Variants in CHRNA7 observed in about 807,000 individuals in gnomAD.
The protein encoded by CHRNA7 is neuronal acetylcholine receptor subunit alpha-7.
In CHRNA7, 17 loss-of-function variants were observed where a neutral mutation model predicts 48.0. The observed-to-expected ratio is 0.35, with a 90% CI of 0.24 to 0.53. The LOEUF is 0.53. Among genes scored for constraint, CHRNA7 ranks in the 20% least tolerant of loss-of-function variants. The pLI is 0.92. For synonymous variants in CHRNA7, 75 were observed against 242.3 expected (o/e 0.31, Z 6.41); for missense variants, 155 against 577.7 (o/e 0.27, Z 7.50).
chr15:32,031,424 A>C (rs2141155326), intron 2 of CHRNA7, among the ~76,000 whole-genome samples: 1 of 152,328 alleles, frequency 6.6e-6, no homozygotes, highest in East Asian at 1.9e-4. Context: ...TTGTCAATTT[A>C]GCCACTTCTA....
At chr15:32,083,438 C>T (rs2050246838) in intron 2 of CHRNA7, among the ~76,000 whole-genome samples, 1 of 120,352 alleles carries the variant, frequency 8.3e-6, no homozygotes, top group African/African-American at 2.5e-5. Context: ...TAAATTACTC[C>T]CTTCATGATA....
At chr15:32,145,370 G>C (rs537003260) in intron 4 of CHRNA7, among the ~76,000 whole-genome samples, 1 of 152,308 alleles carries the variant, frequency 6.6e-6, no homozygotes, top group Admixed American at 6.5e-5. Flanking sequence ...GGCTACACGG[G>C]GGTCAGGGAC....
chr15:32,152,508 A>G (rs2051652379), intron 4 of CHRNA7, among the ~76,000 whole-genome samples: 1 of 151,930 alleles, frequency 6.6e-6, no homozygotes, highest in Non-Finnish European at 1.5e-5. Flanking sequence ...CGGGAGGCCG[A>G]GAGAGTGCGG....
intron 4 of CHRNA7, among the ~76,000 whole-genome samples, chr15:32,142,761 G>C (rs2051408000): frequency 1.3e-5 from 2 of 152,200 alleles, no homozygotes; most frequent in South Asian, 4.2e-4. Context: ...GATCGGTGGT[G>C]ATATCCCCTT....
At chr15:32,124,452 T>G (rs895774922) in intron 4 of CHRNA7, among the ~76,000 whole-genome samples, 4 of 152,158 alleles carry the variant, frequency 2.6e-5, no homozygotes, top group Non-Finnish European at 5.9e-5. Flanking sequence ...GTAAGTATGC[T>G]TACATGGAAT....
At chr15:32,119,633 T>A (rs7402761) in intron 4 of CHRNA7, among the ~76,000 whole-genome samples, 68,290 of 151,634 alleles carry the variant, frequency 0.45, 16,106 homozygotes, top group East Asian at 0.59. Context: ...TTGAACATTT[T>A]AAAAAAAAAT....
intron 2 of CHRNA7, among the ~76,000 whole-genome samples, chr15:32,061,717 A>C (rs929170602): frequency 6.6e-6 from 1 of 152,172 alleles, no homozygotes; most frequent in African/African-American, 2.4e-5. Context: ...CTGAGGCAGG[A>C]GAATTGCTTG....
At chr15:32,114,653 T>C (rs1029045640) in intron 4 of CHRNA7, among the ~76,000 whole-genome samples, 2 of 152,226 alleles carry the variant, frequency 1.3e-5, no homozygotes, top group African/African-American at 4.8e-5. Context: ...GGCCCGCAGG[T>C]CCACATGAAC....
At chr15:32,039,682 G>T (rs1453941473) in intron 2 of CHRNA7, among the ~76,000 whole-genome samples, 1 of 152,018 alleles carries the variant, frequency 6.6e-6, no homozygotes, top group African/African-American at 2.4e-5. Context: ...CACAATTATG[G>T]GGAATATTCC....
At chr15:32,062,546 A>G (rs1455398952) in intron 2 of CHRNA7, among the ~76,000 whole-genome samples, 2 of 152,090 alleles carry the variant, frequency 1.3e-5, no homozygotes, top group Non-Finnish European at 2.9e-5. Flanking sequence ...GTTGTTAGAG[A>G]CATCTTTTGA....
At chr15:32,047,155 C>T in intron 2 of CHRNA7, among the ~76,000 whole-genome samples, 1 of 133,480 alleles carries the variant, frequency 7.5e-6, no homozygotes, top group East Asian at 2.8e-4. Context: ...GTGATGCGGG[C>T]TCTTTTTTGG....
Position 32,111,847 on chromosome 15 carries a change from G to C in CHRNA7, c.298G>C (p.Val100Leu). 1 of 1,613,958 alleles carries C rather than the reference G, an allele frequency of 6.2e-7. No individual in the cohort carries two copies. Residue 100 changes from valine (V) to leucine (L), a missense_variant, in exon 4 of 10, where the codon GTT (valine) becomes CTT (leucine). By Grantham distance (32) the Val-to-Leu change is conservative. Transcript: ENST00000306901. ...NVSEYPGVKT[V>L]RFPDGQIWKP... Reference sequence around the variant, plus strand: ...GTCAGAATATCCAGGGGTGAAGACTGTTCGTTTCCCAGATGGCCAGATTTG... The same window carrying C: ...GTCAGAATATCCAGGGGTGAAGACTCTTCGTTTCCCAGATGGCCAGATTTG...
intron 4 of CHRNA7, among the ~76,000 whole-genome samples, chr15:32,153,192 G>A (rs1029561636): frequency 5.9e-5 from 9 of 152,054 alleles, no homozygotes; most frequent in Non-Finnish European, 7.4e-5. Flanking sequence ...AGGCTGAGGC[G>A]GGTGGATCAC....
chr15:32,137,673 AAAAT>A (rs1443003179), intron 4 of CHRNA7, among the ~76,000 whole-genome samples: 1 of 152,264 alleles, frequency 6.6e-6, no homozygotes, highest in African/African-American at 2.4e-5. Flanking sequence ...ATTCCACTAG[AAAAT>A]AAATATATGG....
chr15:32,065,389 A>G (rs112389741), intron 2 of CHRNA7, among the ~76,000 whole-genome samples: 3 of 152,286 alleles, frequency 2.0e-5, no homozygotes, highest in African/African-American at 7.2e-5. Context: ...TTGCAAGACT[A>G]TTTTTACTTG....
At chr15:32,085,358 G>T (rs2050279039) in intron 2 of CHRNA7, among the ~76,000 whole-genome samples, 1 of 152,116 alleles carries the variant, frequency 6.6e-6, no homozygotes. Context: ...ATCATTAGCC[G>T]TCTCTGCTAC....
At chr15:32,075,875 A>G (rs1307328110) in intron 2 of CHRNA7, among the ~76,000 whole-genome samples, 5 of 151,876 alleles carry the variant, frequency 3.3e-5, no homozygotes, top group East Asian at 1.9e-4. Flanking sequence ...CTATCTCACA[A>G]ATTTTAATAT....
intron 2 of CHRNA7, chr15:32,099,459 T>A (rs1303569816): frequency 6.6e-6 from 1 of 152,214 alleles, no homozygotes. Context: ...TGGTCCCAAG[T>A]TGCCACACAC....
In CHRNA7 at chr15:32,158,242, CTA is replaced by C. The variant is rs1337521528; in HGVS notation, c.599-167_599-166del. On this transcript the variant is annotated intron_variant, in intron 6 of 9. Transcript: ENST00000306901. ...AACTATCACTAAAATACTCTTAACTCTATAGTAAATCAACAAGGTTTTATTCA... is the reference window on the plus strand; with the variant it reads ...AACTATCACTAAAATACTCTTAACTCTAGTAAATCAACAAGGTTTTATTCA... The C allele has an allele frequency of 1.6e-5, 10 of 641,848 alleles. No homozygotes were observed. In the Admixed American group the frequency reaches 2.2e-4, roughly 14 times the overall value. 39.8% of individuals were successfully genotyped at this position (641,848 alleles called of 1,614,324 possible).
Sources: gnomAD v4.1 joint callset for allele counts (sites outside exome capture counted in the v4.1 genomes callset) on GRCh38, gnomAD v4.1.1 for gene constraint, MANE v1.5 for transcripts, NCBI Gene and HGNC (gene_info 2026-07-23, HGNC 2026-07-21) for gene names.